Variants in EPS15 observed in about 807,000 individuals in gnomAD.
EPS15 encodes the protein epidermal growth factor receptor substrate 15.
EPS15 carries 72 observed loss-of-function variants against 113.8 expected under a neutral mutation model. The observed-to-expected ratio is 0.63, with a 90% CI of 0.52 to 0.77. The LOEUF is 0.77. Among genes scored for constraint, EPS15 ranks in the 30% least tolerant of loss-of-function variants. The probability of loss-of-function intolerance (pLI) is 0.00; values close to 1 mark genes in which losing one functional copy is unlikely to be tolerated. For synonymous variants in EPS15, 344 were observed against 363.4 expected (o/e 0.95, Z 0.61); for missense variants, 1,048 against 1,045.8 (o/e 1.00, Z -0.03).
At chr1:51,423,014 A>C (rs905714830) in intron 12 of EPS15, among the ~76,000 whole-genome samples, 1 of 152,234 alleles carries the variant, frequency 6.6e-6, no homozygotes, top group African/African-American at 2.4e-5. Flanking sequence ...CAAAGCAGAT[A>C]CTTAAGGGAC....
chr1:51,367,584 T>C (rs990832537), intron 21 of EPS15, among the ~76,000 whole-genome samples: 5 of 151,890 alleles, frequency 3.3e-5, no homozygotes, highest in Non-Finnish European at 2.9e-5. Context: ...ATTTAATCAA[T>C]GTTTCACAGG....
At chr1:51,411,351 G>A (rs1283106809) in intron 13 of EPS15, among the ~76,000 whole-genome samples, 3 of 152,136 alleles carry the variant, frequency 2.0e-5, no homozygotes, top group African/African-American at 7.2e-5. Context: ...AATGTTTGAT[G>A]AGTATCATCA....
chr1:51,452,860 T>C (rs1162766981), intron 8 of EPS15, among the ~76,000 whole-genome samples: 3 of 152,186 alleles, frequency 2.0e-5, no homozygotes, highest in Non-Finnish European at 4.4e-5. Context: ...CTGGACAGCA[T>C]GATAAAGCAC....
chr1:51,365,247 A>C (rs1646482739), intron 22 of EPS15, among the ~76,000 whole-genome samples: 2 of 152,242 alleles, frequency 1.3e-5, no homozygotes, highest in Non-Finnish European at 2.9e-5. Flanking sequence ...AATGCTCAAC[A>C]TTGACATTTC....
intron 12 of EPS15, among the ~76,000 whole-genome samples, chr1:51,434,339 G>T (rs1651967370): frequency 6.6e-6 from 1 of 152,176 alleles, no homozygotes; most frequent in Non-Finnish European, 1.5e-5. Context: ...TGGTATGTAA[G>T]TACAATGGAA....
At chr1:51,515,533 C>T (rs1001921231) in intron 1 of EPS15, among the ~76,000 whole-genome samples, 6 of 151,908 alleles carry the variant, frequency 3.9e-5, no homozygotes, top group African/African-American at 1.4e-4. Flanking sequence ...CAGTATAAAG[C>T]TGAATTGCTA....
rs769810749 is a variant in EPS15, at chr1:51,444,886, T to C, written c.954+3A>G. 2 of 1,611,978 alleles carry C rather than the reference T, an allele frequency of 1.2e-6. No individual in the cohort carries two copies. The highest frequency in any genetic ancestry group is 1.7e-6 in the Non-Finnish European group (2 of 1,179,194). ...ATTCAGGTTTCCTTTTAAGCTTTCT[T>C]ACCTTTTGTAAACTGGCCCTGTCTG... On this transcript the variant is annotated splice_donor_region_variant and intron_variant, in intron 11 of 24. Coordinates refer to ENST00000371733, the MANE Select transcript of EPS15 (RefSeq NM_001981.3).
chr1:51,408,046 A>G, intron 15 of EPS15, 89 bp downstream of exon 15: 2 of 1,087,430 alleles, frequency 1.8e-6, no homozygotes, highest in South Asian at 2.5e-5. Flanking sequence ...ACTAGGCAAG[A>G]GGTTGAAGGA....
chr1:51,473,064 A>C (rs1655358296), intron 2 of EPS15, 116 bp from the exon 3 acceptor site: 2 of 761,780 alleles, frequency 2.6e-6, no homozygotes, highest in Non-Finnish European at 4.6e-6. Flanking sequence ...AAGGAATGAG[A>C]ATCCTTTGAC....
intron 12 of EPS15, among the ~76,000 whole-genome samples, chr1:51,438,366 G>A (rs917688013): frequency 6.6e-6 from 1 of 152,054 alleles, no homozygotes; most frequent in Non-Finnish European, 1.5e-5. Flanking sequence ...ACTGCCACTG[G>A]TACAACTTAA....
intron 21 of EPS15, among the ~76,000 whole-genome samples, chr1:51,383,035 A>C (rs890082382): frequency 6.6e-6 from 1 of 152,244 alleles, no homozygotes; most frequent in Admixed American, 6.5e-5. Context: ...CACCATGTCC[A>C]AGTGGGATTT....
At chr1:51,501,841 C>G (rs756062216) in intron 1 of EPS15, among the ~76,000 whole-genome samples, 1 of 152,114 alleles carries the variant, frequency 6.6e-6, no homozygotes, top group Non-Finnish European at 1.5e-5. Flanking sequence ...CTTCCCACCC[C>G]CTGGTTCTTT....
chr1:51,482,098 CA>C (rs1220456731), intron 1 of EPS15, among the ~76,000 whole-genome samples: 2 of 152,056 alleles, frequency 1.3e-5, no homozygotes, highest in Non-Finnish European at 2.9e-5. Flanking sequence ...TCAGCCCAGG[CA>C]GTTGTGGCTG....
intron 8 of EPS15, among the ~76,000 whole-genome samples, chr1:51,456,027 A>G (rs145898171): frequency 1.3e-3 from 194 of 152,246 alleles, no homozygotes; most frequent in African/African-American, 4.5e-3. Flanking sequence ...GAATATGAAC[A>G]AGCATTTACA....
At chr1:51,396,694 G>A (rs973071569) in intron 20 of EPS15, among the ~76,000 whole-genome samples, 1 of 152,126 alleles carries the variant, frequency 6.6e-6, no homozygotes, top group Non-Finnish European at 1.5e-5. Context: ...CAGGATAGCA[G>A]GGGGAACAGG....
At chr1:51,385,636 A>C (rs1647047176) in intron 21 of EPS15, among the ~76,000 whole-genome samples, 1 of 152,214 alleles carries the variant, frequency 6.6e-6, no homozygotes, top group Non-Finnish European at 1.5e-5. Context: ...ACACAAACAA[A>C]ATGTGACGGC....
chr1:51,405,912 T>C lies in EPS15; in HGVS notation c.1670A>G (p.Glu557Gly), dbSNP rs1264578059. The C allele has an allele frequency of 6.2e-7, 1 of 1,613,806 alleles. No homozygotes were observed. The highest frequency in any genetic ancestry group is 8.5e-7 in the Non-Finnish European group (1 of 1,179,850). Residue 557 changes from glutamate (E) to glycine (G), a missense_variant, in exon 16 of 25, where the codon GAA becomes GGA. Coordinates refer to ENST00000371733, the MANE Select transcript of EPS15 (RefSeq NM_001981.3). ...SNLESEPIHQ[E>G]SPARSSPELL... ...TGAAAGTATTAGACTCACTGGAGAT[T>C]CCTGGTGTATGGGCTCAGACTCTAG...
At chr1:51,486,508 A>T (rs991871648) in intron 1 of EPS15, among the ~76,000 whole-genome samples, 1 of 152,000 alleles carries the variant, frequency 6.6e-6, no homozygotes, top group African/African-American at 2.4e-5. Flanking sequence ...AATAATCATA[A>T]ATAGGGACAA....
intron 12 of EPS15, among the ~76,000 whole-genome samples, chr1:51,431,257 T>G (rs1651711312): frequency 6.6e-6 from 1 of 152,102 alleles, no homozygotes. Flanking sequence ...TCTGAGAGAC[T>G]GGCTGTTTTT....
Sources: allele counts gnomAD v4.1 joint callset (sites outside exome capture counted in the v4.1 genomes callset), GRCh38; gene constraint gnomAD v4.1.1; transcripts MANE v1.5; gene names NCBI Gene and HGNC (gene_info 2026-07-23, HGNC 2026-07-21).